The following EYS variants were observed in gnomAD, a reference collection of about 807,000 sequenced individuals.
EYS encodes protein eyes shut homolog.
In EYS, 250 loss-of-function variants were observed where a neutral mutation model predicts 282.1. The ratio of observed to expected loss-of-function variants is 0.89; its 90% CI spans 0.80 to 0.98. EYS has a LOEUF of 0.98. Ranked by LOEUF, EYS falls within the 50% of genes least tolerant of loss-of-function variation. The pLI is 0.00. For synonymous variants in EYS, 1,355 were observed against 1,282.9 expected (o/e 1.06, Z -1.20); for missense variants, 4,016 against 3,709.0 (o/e 1.08, Z -2.15).
intron 22 of EYS, among the ~76,000 whole-genome samples, chr6:64,736,288 A>G (rs1210738281): frequency 9.2e-5 from 14 of 152,166 alleles, no homozygotes; most frequent in Non-Finnish European, 1.8e-4. Context: ...TACATTACAT[A>G]TAAATAGAAA....
chr6:64,569,595 G>T (rs939273841), intron 26 of EYS, among the ~76,000 whole-genome samples: 1 of 151,976 alleles, frequency 6.6e-6, no homozygotes, highest in Non-Finnish European at 1.5e-5. Context: ...CAAGAAATTA[G>T]CCAGGCGTGG....
At chr6:65,424,563 T>A (rs1004991656) in intron 5 of EYS, among the ~76,000 whole-genome samples, 12 of 152,056 alleles carry the variant, frequency 7.9e-5, no homozygotes, top group Non-Finnish European at 1.6e-4. Context: ...GAAAGGCATC[T>A]GTTTTATATT....
rs991254151 is a variant in EYS, at chr6:64,196,278, G to A, written c.6424+34314C>T. Among the ~76,000 whole-genome samples, 450 of 152,264 alleles carry A rather than the reference G, an allele frequency of 3.0e-3. 5 individuals carry two copies. The highest frequency in any genetic ancestry group is 8.8e-3 in the African/African-American group (366 of 41,550). ...AGAGAGGATGTGGAGAAATAGGAAC[G>A]CTTTTACACTGTTGGTGGGACTGTA... On this transcript the variant is annotated intron_variant, in intron 31 of 42. Transcript: ENST00000503581.
intron 2 of EYS, among the ~76,000 whole-genome samples, chr6:65,501,515 T>C (rs1346228447): frequency 6.6e-6 from 1 of 151,828 alleles, no homozygotes; most frequent in East Asian, 1.9e-4. Flanking sequence ...GTCTATAGTA[T>C]ATGGATTAAA....
chr6:64,451,425 G>C (rs1482799116), intron 26 of EYS, among the ~76,000 whole-genome samples: 1 of 152,140 alleles, frequency 6.6e-6, no homozygotes, highest in African/African-American at 2.4e-5. Flanking sequence ...AATTCTACCA[G>C]AGGTACAAGG....
At chr6:65,072,510 T>C (rs1773930452) in intron 12 of EYS, among the ~76,000 whole-genome samples, 1 of 151,776 alleles carries the variant, frequency 6.6e-6, no homozygotes, top group Admixed American at 6.6e-5. Flanking sequence ...AATACAAAAT[T>C]ATTTAAAAGA....
chr6:64,278,831 A>G (rs1045228058), intron 30 of EYS, among the ~76,000 whole-genome samples: 15 of 151,988 alleles, frequency 9.9e-5, no homozygotes, highest in South Asian at 2.1e-4. Context: ...TGAAATGATC[A>G]TAGCTTACTG....
At chr6:64,698,515 A>T (rs2149921763) in intron 22 of EYS, among the ~76,000 whole-genome samples, 1 of 152,238 alleles carries the variant, frequency 6.6e-6, no homozygotes, top group South Asian at 2.1e-4. Context: ...GCTTCTACAC[A>T]GCAGCAGAAA....
intron 26 of EYS, among the ~76,000 whole-genome samples, chr6:64,451,220 A>C (rs1326603404): frequency 2.0e-5 from 3 of 152,232 alleles, no homozygotes; most frequent in African/African-American, 7.2e-5. Flanking sequence ...ATCAGAGAAT[A>C]CTATAAACAC....
chr6:64,442,460 T>C (rs1422257484), intron 26 of EYS, among the ~76,000 whole-genome samples: 3 of 152,178 alleles, frequency 2.0e-5, no homozygotes, highest in Non-Finnish European at 4.4e-5. Flanking sequence ...GCTGCTGATA[T>C]TTGCATAAGT....
chr6:64,446,146 T>A (rs1325683920), intron 26 of EYS, among the ~76,000 whole-genome samples: 3 of 152,182 alleles, frequency 2.0e-5, no homozygotes, highest in Admixed American at 6.5e-5. Flanking sequence ...CATTTAAAAA[T>A]TTACTTGAAA....
At chr6:65,586,973 G>GA (rs1765071902) in intron 2 of EYS, among the ~76,000 whole-genome samples, 3 of 151,836 alleles carry the variant, frequency 2.0e-5, no homozygotes, top group Admixed American at 6.6e-5. Flanking sequence ...CTAAATACAT[G>GA]CTTTTATTTT....
chr6:65,233,117 CAT>C (rs1766828072), intron 12 of EYS, among the ~76,000 whole-genome samples: 1 of 152,074 alleles, frequency 6.6e-6, no homozygotes, highest in African/African-American at 2.4e-5. Flanking sequence ...ATTCTTTGAG[CAT>C]GTTTTTAAGA....
intron 2 of EYS, among the ~76,000 whole-genome samples, chr6:65,586,082 C>G (rs565139437): frequency 6.6e-6 from 1 of 152,010 alleles, no homozygotes; most frequent in South Asian, 2.1e-4. Context: ...TTGGGGAATT[C>G]TACAGTTTCT....
intron 22 of EYS, among the ~76,000 whole-genome samples, chr6:64,630,635 G>C (rs1208733170): frequency 2.0e-5 from 3 of 152,092 alleles, no homozygotes; most frequent in Non-Finnish European, 4.4e-5. Context: ...TGCTTTCCTG[G>C]AATGAACTCC....
chr6:64,592,769 C>A (rs1766452479), intron 25 of EYS, among the ~76,000 whole-genome samples: 1 of 151,954 alleles, frequency 6.6e-6, no homozygotes. Flanking sequence ...TATAAATTTA[C>A]CTTAATGACT....
At chr6:63,975,376 AG>A (rs1009213819) in intron 35 of EYS, among the ~76,000 whole-genome samples, 2 of 152,010 alleles carry the variant, frequency 1.3e-5, no homozygotes, top group Admixed American at 1.3e-4. Context: ...GATGGTATGA[AG>A]GACACATATC....
At chr6:65,670,209 A>G (rs1183510743) in intron 1 of EYS, among the ~76,000 whole-genome samples, 1 of 150,574 alleles carries the variant, frequency 6.6e-6, no homozygotes, top group East Asian at 2.2e-4. Context: ...TTACTGTTCA[A>G]CTACTTGTTA....
At chr6:65,651,389 G>C (rs1052748088) in intron 1 of EYS, among the ~76,000 whole-genome samples, 9 of 151,814 alleles carry the variant, frequency 5.9e-5, no homozygotes, top group Non-Finnish European at 1.0e-4. Flanking sequence ...AAGAAACTTC[G>C]GTTTCTTTGG....
Sources: allele counts gnomAD v4.1 joint callset (sites outside exome capture counted in the v4.1 genomes callset), GRCh38; gene constraint gnomAD v4.1.1; transcripts MANE v1.5; gene names NCBI Gene and HGNC (gene_info 2026-07-23, HGNC 2026-07-21).